Variants in UGT1A10 observed in about 807,000 individuals in gnomAD.
The protein encoded by UGT1A10 is UDP-glucuronosyltransferase 1A10.
UGT1A10 carries 49 observed loss-of-function variants against 45.8 expected under a neutral mutation model. The observed-to-expected ratio is 1.07, with a 90% CI of 0.85 to 1.36. The LOEUF (loss-of-function observed/expected upper bound fraction) is 1.36. UGT1A10 is among the 40% of genes most tolerant of loss of function. UGT1A10 has a pLI of 0.00. For synonymous variants in UGT1A10, 284 were observed against 249.7 expected (o/e 1.14, Z -1.29); for missense variants, 745 against 668.6 (o/e 1.11, Z -1.26).
At chr2:233,659,269 A>G (rs2073918015) in intron 1 of UGT1A10, among the ~76,000 whole-genome samples, 1 of 152,190 alleles carries the variant, frequency 6.6e-6, no homozygotes. Context: ...CCTCGCAGGT[A>G]GTCTAAAATC....
At chr2:233,656,401 G>A (rs901276868) in intron 1 of UGT1A10, among the ~76,000 whole-genome samples, 2 of 152,176 alleles carry the variant, frequency 1.3e-5, no homozygotes, top group Admixed American at 6.5e-5. Flanking sequence ...CAGTATTTGT[G>A]GCTTATGGAA....
At position 233,733,533 on chromosome 2, in the gene UGT1A10, G is replaced by A. The variant is rs184573517; in HGVS notation, c.856-33501G>A. On this transcript the variant is annotated intron_variant, in intron 1 of 4. Coordinates refer to ENST00000344644, the MANE Select transcript of UGT1A10 (RefSeq NM_019075.4). ...TAGGCATGAAGGGATGTTTAATTTT[G>A]TTGAAGGCCTTTTCTGCATCTGTTG... 2.9e-3 allele frequency among the ~76,000 whole-genome samples: 440 copies of A among 152,268 alleles called. 3 individuals carry two copies. Among genetic ancestry groups the A allele is most frequent in the African/African-American group, 0.01 (417 of 41,554 alleles).
At chr2:233,718,907 A>C (rs368882210) in intron 1 of UGT1A10, 4 of 1,613,892 alleles carry the variant, frequency 2.5e-6, no homozygotes, top group Middle Eastern at 1.7e-4. Context: ...CTGAGAGTGG[A>C]AAGGTGTTGG....
chr2:233,742,421 C>T (rs114948883), intron 1 of UGT1A10, among the ~76,000 whole-genome samples: 5,160 of 152,060 alleles, frequency 0.034, 167 homozygotes, highest in African/African-American at 0.052. Context: ...ACACCTTAAG[C>T]GGTTTTCCTC....
intron 1 of UGT1A10, among the ~76,000 whole-genome samples, chr2:233,701,708 C>T (rs530092195): frequency 1.2e-4 from 19 of 152,298 alleles, no homozygotes; most frequent in African/African-American, 3.8e-4. Context: ...AACCGCTCAA[C>T]TACATGGAAA....
chr2:233,681,530 C>CA (rs747693860), intron 1 of UGT1A10, among the ~76,000 whole-genome samples: 9,605 of 75,860 alleles, frequency 0.13, 659 homozygotes, highest in East Asian at 0.21. Context: ...GACTCCATCT[C>CA]AAAAAAAAAA....
At chr2:233,772,199 A>T (rs1700481420) in intron 4 of UGT1A10, 63 bp from the exon 5 acceptor site, 2 of 1,605,338 alleles carry the variant, frequency 1.2e-6, no homozygotes, top group African/African-American at 1.3e-5. Flanking sequence ...AGCCATGAGC[A>T]TAAAGAGAGG....
rs1310815990 is a variant in UGT1A10, at chr2:233,693,240, C to T, written c.855+55863C>T. ...AAATACTACACAAGAAAAATCTATC[C>T]AGTGCCGTATGACCAAGAAGAGCTG... On this transcript the variant is annotated intron_variant, in intron 1 of 4. Transcript: ENST00000344644. 6.8e-6 allele frequency: 11 copies of T among 1,614,022 alleles called. No homozygotes were observed. The African/African-American group carries it at 1.3e-4, about 20-fold the overall frequency.
intron 1 of UGT1A10, among the ~76,000 whole-genome samples, chr2:233,737,610 G>A (rs2078901280): frequency 6.6e-6 from 1 of 152,172 alleles, no homozygotes; most frequent in South Asian, 2.1e-4. Context: ...ACCTCAGTTG[G>A]AAATGCAGAA....
intron 1 of UGT1A10, among the ~76,000 whole-genome samples, chr2:233,676,365 C>T (rs544333325): frequency 3.3e-5 from 5 of 152,264 alleles, no homozygotes; most frequent in African/African-American, 1.2e-4. Context: ...AGGATTATAG[C>T]AAGGTTACAA....
intron 1 of UGT1A10, among the ~76,000 whole-genome samples, chr2:233,651,273 G>A (rs1359892395): frequency 6.6e-6 from 1 of 152,044 alleles, no homozygotes; most frequent in Non-Finnish European, 1.5e-5. Flanking sequence ...AACCCACACT[G>A]AGTTCCTTGT....
chr2:233,648,776 C>G, intron 1 of UGT1A10: 1 of 830,610 alleles, frequency 1.2e-6, no homozygotes, highest in Non-Finnish European at 1.9e-6. Context: ...GATGCCATGA[C>G]TTTTAAGGAG....
rs138562568 is a variant in UGT1A10 at position 233,637,824 on chromosome 2, A to G, written c.855+447A>G. Reference sequence around the variant, plus strand: ...TAAAATCTAGTATTGGGCTGAACATATTCTTCTTTATCTTGCATTTTTCAC... The same window carrying G: ...TAAAATCTAGTATTGGGCTGAACATGTTCTTCTTTATCTTGCATTTTTCAC... On this transcript the variant is annotated intron_variant, in intron 1 of 4. Transcript: ENST00000344644. Among the ~76,000 whole-genome samples, 797 of 152,298 alleles carry G rather than the reference A, an allele frequency of 5.2e-3. 7 individuals are homozygous for G. The highest frequency in any genetic ancestry group is 8.6e-3 in the Non-Finnish European group (582 of 68,000).
intron 1 of UGT1A10, chr2:233,750,715 C>G (rs1487132434): frequency 6.6e-6 from 1 of 151,920 alleles, no homozygotes; most frequent in Non-Finnish European, 1.5e-5. Context: ...AGAGCTCAGG[C>G]CATTGCTTCA....
intron 1 of UGT1A10, among the ~76,000 whole-genome samples, chr2:233,748,588 G>C (rs1457275864): frequency 6.6e-6 from 1 of 151,830 alleles, no homozygotes; most frequent in Non-Finnish European, 1.5e-5. Context: ...GGTTGACTCA[G>C]TTCAGTGGAA....
chr2:233,710,441 T>C (rs568926544), intron 1 of UGT1A10, among the ~76,000 whole-genome samples: 1 of 152,376 alleles, frequency 6.6e-6, no homozygotes, highest in African/African-American at 2.4e-5. Flanking sequence ...TTTTAGTCTT[T>C]TACATTTTAG....
intron 1 of UGT1A10, chr2:233,692,487 T>G: frequency 1.2e-5 from 2 of 165,804 alleles, no homozygotes; most frequent in Admixed American, 1.1e-4. Context: ...AGGGCAGTCT[T>G]GTAGGACTGA....
intron 1 of UGT1A10, among the ~76,000 whole-genome samples, chr2:233,651,324 G>A (rs774351783): frequency 3.9e-5 from 6 of 152,120 alleles, no homozygotes; most frequent in Non-Finnish European, 8.8e-5. Context: ...GATACGGAAA[G>A]CTATGTGTGA....
At chr2:233,645,711 A>T (rs1426232289) in intron 1 of UGT1A10, among the ~76,000 whole-genome samples, 1 of 152,196 alleles carries the variant, frequency 6.6e-6, no homozygotes, top group South Asian at 2.1e-4. Flanking sequence ...GTGAGTTCCC[A>T]TGGTCTTAGG....
Sources: gnomAD v4.1 joint callset for allele counts (sites outside exome capture counted in the v4.1 genomes callset) on GRCh38, gnomAD v4.1.1 for gene constraint, MANE v1.5 for transcripts, NCBI Gene and HGNC (gene_info 2026-07-23, HGNC 2026-07-21) for gene names.